The following GABBR2 variants were observed in gnomAD, a reference collection of about 807,000 sequenced individuals.
GABBR2 encodes G-protein coupled receptor 51.
In GABBR2, 23 loss-of-function variants were observed where a neutral mutation model predicts 105.6. The observed-to-expected ratio is 0.22, with a 90% CI of 0.16 to 0.31. The LOEUF is 0.31. Among genes scored for constraint, GABBR2 ranks in the 10% least tolerant of loss-of-function variants. The pLI is 1.00. For synonymous variants in GABBR2, 478 were observed against 499.7 expected, an observed-to-expected ratio of 0.96 and a Z score of 0.58; for missense variants, 734 against 1,245.5, an observed-to-expected ratio of 0.59 and a Z score of 6.18.
intron 1 of GABBR2, among the ~76,000 whole-genome samples, 154 bp from the exon 2 acceptor site, chr9:98,578,226 T>C (rs1828948452): frequency 6.6e-6 from 1 of 152,178 alleles, no homozygotes; most frequent in South Asian, 2.1e-4. Flanking sequence ...GAGTCCACGC[T>C]GTAAGCTCCA....
intron 1 of GABBR2, among the ~76,000 whole-genome samples, chr9:98,636,781 C>T (rs944469988): frequency 6.6e-6 from 1 of 151,884 alleles, no homozygotes; most frequent in Non-Finnish European, 1.5e-5. Context: ...TTTTGAAAAG[C>T]AAAAATGGAT....
chr9:98,548,733 C>A (rs1412914401), intron 2 of GABBR2, among the ~76,000 whole-genome samples: 1 of 119,670 alleles, frequency 8.4e-6, no homozygotes, highest in Non-Finnish European at 1.9e-5. Context: ...AAAAGGTCTA[C>A]CTGTTAATTT....
chr9:98,385,581 A>T, intron 11 of GABBR2, 59 bp downstream of exon 11: 2 of 1,437,460 alleles, frequency 1.4e-6, no homozygotes, highest in Non-Finnish European at 2.0e-6. Flanking sequence ...GTTTTCGATG[A>T]CTGAGGTCAC....
At chr9:98,336,958 C>A (rs1831126515) in intron 13 of GABBR2, among the ~76,000 whole-genome samples, 1 of 151,498 alleles carries the variant, frequency 6.6e-6, no homozygotes, top group Non-Finnish European at 1.5e-5. Flanking sequence ...ATGAAAGGAG[C>A]AAAACTCTCT....
intron 1 of GABBR2, among the ~76,000 whole-genome samples, chr9:98,706,485 G>A (rs927333580): frequency 6.6e-6 from 1 of 152,110 alleles, no homozygotes; most frequent in Non-Finnish European, 1.5e-5. Flanking sequence ...ATATTCCCAC[G>A]AATTGAAGAG....
intron 3 of GABBR2, among the ~76,000 whole-genome samples, chr9:98,525,436 A>C (rs1479294360): frequency 2.6e-5 from 4 of 152,248 alleles, no homozygotes; most frequent in Non-Finnish European, 5.9e-5. Context: ...AGAGAAATGC[A>C]CATCAAAACC....
At chr9:98,352,750 G>A (rs1032518265) in intron 13 of GABBR2, among the ~76,000 whole-genome samples, 2 of 152,066 alleles carry the variant, frequency 1.3e-5, no homozygotes, top group Non-Finnish European at 2.9e-5. Context: ...CTTTGTCCTG[G>A]GGGTAGCCTT....
At chr9:98,623,853 G>A (rs1464754200) in intron 1 of GABBR2, among the ~76,000 whole-genome samples, 1 of 152,170 alleles carries the variant, frequency 6.6e-6, no homozygotes, top group Admixed American at 6.5e-5. Flanking sequence ...GATAGCCGCA[G>A]GTTCTGCCAT....
At chr9:98,326,748 C>T (rs997250695) in intron 13 of GABBR2, among the ~76,000 whole-genome samples, 1 of 152,222 alleles carries the variant, frequency 6.6e-6, no homozygotes, top group African/African-American at 2.4e-5. Context: ...CTTATTGGAC[C>T]TGGCCAATAC....
intron 6 of GABBR2, among the ~76,000 whole-genome samples, chr9:98,463,711 C>T (rs915244388): frequency 1.3e-5 from 2 of 152,004 alleles, no homozygotes; most frequent in African/African-American, 4.8e-5. Context: ...TCTCGGCTCG[C>T]TGCAACCTCC....
At chr9:98,515,073 G>A (rs750166249) in intron 3 of GABBR2, among the ~76,000 whole-genome samples, 8 of 152,176 alleles carry the variant, frequency 5.3e-5, no homozygotes, top group Non-Finnish European at 7.4e-5. Flanking sequence ...ATGAGCCAAG[G>A]AAGGATGGAC....
intron 11 of GABBR2, among the ~76,000 whole-genome samples, chr9:98,384,335 TA>T (rs1391422459): frequency 6.6e-6 from 1 of 152,024 alleles, no homozygotes; most frequent in African/African-American, 2.4e-5. Flanking sequence ...TAACCCCCTT[TA>T]AAAAAATAAC....
chr9:98,536,354 A>C (rs1386016308), intron 3 of GABBR2, among the ~76,000 whole-genome samples: 6 of 152,212 alleles, frequency 3.9e-5, no homozygotes, highest in African/African-American at 1.2e-4. Flanking sequence ...ACCCAGAGAC[A>C]GCAAGTGATT....
At chr9:98,392,099 G>A (rs1053461126) in intron 9 of GABBR2, among the ~76,000 whole-genome samples, 1 of 152,086 alleles carries the variant, frequency 6.6e-6, no homozygotes, top group African/African-American at 2.4e-5. Flanking sequence ...TGAGAAGCAG[G>A]AAGTATGCCT....
chr9:98,362,716 T>C lies in GABBR2; in HGVS notation c.1892A>G (p.Glu631Gly), dbSNP rs776443802. ...CTCCTGCCGGCATGGAGGGCTTACC[T>C]CCATGCTGTACTTCTCCACTGTCCT... ...LRRTVEKYSM[E>G]PDPAGRDISI... Residue 631 changes from glutamate to glycine, a missense_variant and splice_region_variant, in exon 13 of 19, where the codon GAG becomes GGG. Glu to Gly is a moderately conservative substitution (Grantham distance 98). This residue lies in a region of GABBR2 where 52 missense variants were observed against 81.3 expected (regional missense o/e 0.64). Coordinates refer to ENST00000259455, the MANE Select transcript of GABBR2 (RefSeq NM_005458.8). 1.3e-6 allele frequency: 2 copies of C among 1,569,626 alleles called. No homozygotes were observed. Among genetic ancestry groups the C allele is most frequent in the Non-Finnish European group, 1.7e-6 (2 of 1,160,858 alleles).
In GABBR2 at chr9:98,341,130, C is replaced by T. The variant is rs1831205777; in HGVS notation, c.1893+21585G>A. ...GTGCTGCCCACAGACATAAGGGAAG[C>T]CAACAAGGAAGATGAAATCAACTGC... On this transcript the variant is annotated intron_variant, in intron 13 of 18. Coordinates refer to ENST00000259455, the MANE Select transcript of GABBR2 (RefSeq NM_005458.8). Among the ~76,000 whole-genome samples the T allele has an allele frequency of 2.6e-5, 4 of 152,224 alleles. 1 individual carries two copies. In the South Asian group the frequency reaches 8.3e-4, roughly 31 times the overall value.
chr9:98,513,847 G>A (rs7388932), intron 3 of GABBR2, among the ~76,000 whole-genome samples: 36,511 of 151,988 alleles, frequency 0.24, 5,049 homozygotes, highest in Non-Finnish European at 0.31. Context: ...AAGTCAGTGC[G>A]GCGATTCCTC....
intron 1 of GABBR2, chr9:98,607,298 C>T (rs1473406952): frequency 1.2e-5 from 10 of 859,206 alleles, no homozygotes; most frequent in South Asian, 6.6e-5. Context: ...TGCCTGATAA[C>T]GGTGTAGCGT....
intron 7 of GABBR2, among the ~76,000 whole-genome samples, chr9:98,436,333 CACA>C (rs1825908631): frequency 1.6e-4 from 3 of 19,234 alleles, no homozygotes; most frequent in African/African-American, 8.8e-4. Flanking sequence ...TATATATATA[CACA>C]CACACACACA....
Sources: gnomAD v4.1 joint callset for allele counts (sites outside exome capture counted in the v4.1 genomes callset) on GRCh38, gnomAD v4.1.1 for gene constraint, gnomAD v4.1.1 regional missense constraint, MANE v1.5 for transcripts, NCBI Gene and HGNC (gene_info 2026-07-23, HGNC 2026-07-21) for gene names.